The following LRRC4C variants were observed in gnomAD, a reference collection of about 807,000 sequenced individuals.
LRRC4C encodes leucine-rich repeat-containing protein 4C.
A neutral mutation model predicts 33.6 loss-of-function variants in LRRC4C; 5 were observed. The ratio of observed to expected loss-of-function variants is 0.15; its 90% CI spans 0.08 to 0.31. The LOEUF is 0.31. Among genes scored for constraint, LRRC4C ranks in the 10% least tolerant of loss-of-function variants. The pLI is 1.00. For synonymous variants in LRRC4C, 329 were observed against 302.0 expected (o/e 1.09, Z -0.93); for missense variants, 560 against 796.7 (o/e 0.70, Z 3.58).
chr11:40,244,747 C>T (rs1306975766), intron 4 of LRRC4C, among the ~76,000 whole-genome samples: 1 of 151,012 alleles, frequency 6.6e-6, no homozygotes. Context: ...TTTTTTTGGC[C>T]CTGAAGTACA....
chr11:41,446,794 T>C (rs1955840399), intron 1 of LRRC4C, among the ~76,000 whole-genome samples: 1 of 152,146 alleles, frequency 6.6e-6, no homozygotes, highest in African/African-American at 2.4e-5. Context: ...TTTTTCTATT[T>C]ATCTCAGAGA....
At chr11:40,424,945 G>A (rs1377673876) in intron 3 of LRRC4C, among the ~76,000 whole-genome samples, 5 of 152,220 alleles carry the variant, frequency 3.3e-5, no homozygotes, top group East Asian at 3.9e-4. Flanking sequence ...ATGTCAAAAA[G>A]CAATCTTAGA....
chr11:40,405,206 G>T (rs2137581075), intron 3 of LRRC4C, among the ~76,000 whole-genome samples: 1 of 151,680 alleles, frequency 6.6e-6, no homozygotes, highest in Non-Finnish European at 1.5e-5. Flanking sequence ...CCTGTGTCTG[G>T]GTTATGTCAC....
At chr11:40,256,645 T>C (rs771924340) in intron 4 of LRRC4C, among the ~76,000 whole-genome samples, 12 of 152,308 alleles carry the variant, frequency 7.9e-5, no homozygotes, top group Non-Finnish European at 8.8e-5. Context: ...CCACATCTCC[T>C]GAATCCTTAC....
intron 2 of LRRC4C, among the ~76,000 whole-genome samples, chr11:40,769,370 G>T (rs938774314): frequency 1.3e-5 from 2 of 152,050 alleles, no homozygotes; most frequent in African/African-American, 4.8e-5. Flanking sequence ...TTCATGGTTT[G>T]GAAGAATAAA....
At chr11:40,553,915 C>T (rs75143243) in intron 3 of LRRC4C, among the ~76,000 whole-genome samples, 1 of 149,620 alleles carries the variant, frequency 6.7e-6, no homozygotes, top group African/African-American at 2.5e-5. Context: ...TTGATAGTTT[C>T]TTTTTTGTGT....
At chr11:40,823,453 A>G (rs1472417119) in intron 2 of LRRC4C, among the ~76,000 whole-genome samples, 1 of 151,772 alleles carries the variant, frequency 6.6e-6, no homozygotes, top group African/African-American at 2.4e-5. Flanking sequence ...TAAAAAGGGA[A>G]GCAACATACT....
At chr11:40,408,464 G>A (rs997649224) in intron 3 of LRRC4C, among the ~76,000 whole-genome samples, 2 of 151,660 alleles carry the variant, frequency 1.3e-5, no homozygotes, top group Non-Finnish European at 2.9e-5. Context: ...TTATTTATAT[G>A]CTACCTCACT....
At chr11:41,027,378 A>T (rs1056174598) in intron 1 of LRRC4C, among the ~76,000 whole-genome samples, 3 of 151,592 alleles carry the variant, frequency 2.0e-5, no homozygotes, top group Non-Finnish European at 4.4e-5. Flanking sequence ...CCATTTTCTG[A>T]CTCAGTCTTC....
At chr11:41,135,522 T>C (rs537451672) in intron 1 of LRRC4C, among the ~76,000 whole-genome samples, 19 of 152,256 alleles carry the variant, frequency 1.2e-4, no homozygotes, top group Non-Finnish European at 2.1e-4. Flanking sequence ...CCTTGGACTT[T>C]CTAGGAAGTT....
At chr11:41,320,851 C>A (rs1280270046) in intron 1 of LRRC4C, among the ~76,000 whole-genome samples, 1 of 152,166 alleles carries the variant, frequency 6.6e-6, no homozygotes, top group African/African-American at 2.4e-5. Flanking sequence ...TACCTCCCAA[C>A]ACATTCAGAT....
At chr11:40,928,988 T>C (rs1012866373) in intron 2 of LRRC4C, among the ~76,000 whole-genome samples, 1 of 152,160 alleles carries the variant, frequency 6.6e-6, no homozygotes, top group African/African-American at 2.4e-5. Context: ...AGGTTAAATT[T>C]AATATCAAGA....
intron 1 of LRRC4C, among the ~76,000 whole-genome samples, chr11:41,242,220 G>C (rs1024243063): frequency 1.3e-5 from 2 of 151,066 alleles, no homozygotes; most frequent in South Asian, 2.1e-4. Flanking sequence ...TTTTTGTTTT[G>C]TATAGCCAAA....
chr11:40,449,618 C>A (rs1259607350), intron 3 of LRRC4C, among the ~76,000 whole-genome samples: 2 of 152,122 alleles, frequency 1.3e-5, no homozygotes, highest in African/African-American at 4.8e-5. Context: ...AACTTCCCAG[C>A]CAGTTGTTTA....
At chr11:40,177,091 C>T (rs1487373939) in intron 5 of LRRC4C, among the ~76,000 whole-genome samples, 3 of 151,870 alleles carry the variant, frequency 2.0e-5, no homozygotes, top group African/African-American at 7.3e-5. Context: ...GTAGCGGGGA[C>T]TACAGGCGCC....
intron 3 of LRRC4C, among the ~76,000 whole-genome samples, chr11:40,409,411 G>A (rs1439178764): frequency 6.6e-6 from 1 of 151,818 alleles, no homozygotes; most frequent in Admixed American, 6.6e-5. Context: ...CAAACTAAAA[G>A]CTTTCCACAG....
At chr11:40,855,932 T>C (rs971151656) in intron 2 of LRRC4C, among the ~76,000 whole-genome samples, 24 of 151,878 alleles carry the variant, frequency 1.6e-4, no homozygotes, top group Admixed American at 7.9e-4. Context: ...ATATTTTATG[T>C]TGCTTTTTTC....
intron 2 of LRRC4C, among the ~76,000 whole-genome samples, chr11:40,862,494 G>GT (rs1367989028): frequency 6.6e-6 from 1 of 152,140 alleles, no homozygotes; most frequent in Non-Finnish European, 1.5e-5. Flanking sequence ...TGCTTCTGTG[G>GT]TTTTTTAAAT....
intron 1 of LRRC4C, among the ~76,000 whole-genome samples, chr11:41,228,796 A>C (rs1325242204): frequency 6.6e-6 from 1 of 152,116 alleles, no homozygotes; most frequent in African/African-American, 2.4e-5. Flanking sequence ...ATTTAATCAG[A>C]TCTATTTCCA....
Sources: allele counts gnomAD v4.1 joint callset (sites outside exome capture counted in the v4.1 genomes callset), GRCh38; gene constraint gnomAD v4.1.1; transcripts MANE v1.5; gene names NCBI Gene and HGNC (gene_info 2026-07-23, HGNC 2026-07-21).